KDM4C: variants seen among roughly 807,000 people sequenced by gnomAD.
KDM4C encodes the protein lysine demethylase 4C.
Under a neutral mutation model 129.3 loss-of-function variants are expected in KDM4C, and 81 were observed. The ratio of observed to expected loss-of-function variants is 0.63; its 90% CI spans 0.52 to 0.75. KDM4C has a LOEUF of 0.75. KDM4C is among the 30% of genes least tolerant of loss of function. KDM4C has a pLI of 0.00. For missense variants in KDM4C, 1,457 were observed against 1,304.0 expected (o/e 1.12, Z -1.81); for synonymous variants, 573 against 456.1 (o/e 1.26, Z -3.26).
intron 17 of KDM4C, among the ~76,000 whole-genome samples, chr9:7,049,501 A>G (rs948979380): frequency 1.3e-5 from 2 of 152,062 alleles, no homozygotes; most frequent in Non-Finnish European, 2.9e-5. Flanking sequence ...TCAGTACTGG[A>G]GCTGAGCCAT....
chr9:6,738,289 C>T (rs1407253842), intron 1 of KDM4C, among the ~76,000 whole-genome samples: 2 of 152,042 alleles, frequency 1.3e-5, no homozygotes, highest in Non-Finnish European at 1.5e-5. Flanking sequence ...CTGGCCTGAC[C>T]AACATGGAGA....
At chr9:6,938,321 G>T (rs888353482) in intron 8 of KDM4C, among the ~76,000 whole-genome samples, 1 of 152,092 alleles carries the variant, frequency 6.6e-6, no homozygotes, top group Non-Finnish European at 1.5e-5. Flanking sequence ...CCATTTCCAG[G>T]GGATGGCTCA....
At chr9:7,010,126 C>G (rs1822422674) in intron 12 of KDM4C, among the ~76,000 whole-genome samples, 1 of 152,072 alleles carries the variant, frequency 6.6e-6, no homozygotes, top group Non-Finnish European at 1.5e-5. Context: ...TGTAGTATAT[C>G]CTATGCTATA....
intron 12 of KDM4C, 24 bp from the exon 13 acceptor site, chr9:7,011,674 T>G: frequency 6.2e-7 from 1 of 1,605,768 alleles, no homozygotes; most frequent in South Asian, 1.1e-5. Flanking sequence ...ATGCTCATGG[T>G]ATTTTCCTGC....
At chr9:6,795,362 C>T (rs112932883) in intron 2 of KDM4C, among the ~76,000 whole-genome samples, 10,979 of 152,270 alleles carry the variant, frequency 0.072, 573 homozygotes, top group Non-Finnish European at 0.11. Context: ...ACGGGAGTCT[C>T]GCTCTGTTGC....
chr9:7,109,940 G>A (rs567152393), intron 18 of KDM4C, among the ~76,000 whole-genome samples: 1 of 152,208 alleles, frequency 6.6e-6, no homozygotes, highest in Non-Finnish European at 1.5e-5. Flanking sequence ...CTTTATAAAG[G>A]GCTTTCCCCT....
intron 4 of KDM4C, among the ~76,000 whole-genome samples, chr9:6,843,601 C>G (rs570048695): frequency 6.6e-6 from 1 of 152,262 alleles, no homozygotes; most frequent in African/African-American, 2.4e-5. Flanking sequence ...CTGGGCGTAG[C>G]TCTGCCATGA....
At chr9:6,893,034 T>G (rs1846325239) in intron 7 of KDM4C, 61 bp from the exon 8 acceptor site, 10 of 1,243,098 alleles carry the variant, frequency 8.0e-6, no homozygotes, top group Non-Finnish European at 1.1e-5. Flanking sequence ...TATATTTTAA[T>G]TGTATTCATA....
rs572391284 is a variant in KDM4C, at chr9:7,094,283, G to T, written c.2425-9402G>T. ...TAGGATTCAGGCTTTAACAGTGCCT[G>T]TTTTACTACCTTTTGTCCATTCCTT... On this transcript the variant is annotated intron_variant, in intron 17 of 21. Coordinates refer to ENST00000381309, the MANE Select transcript of KDM4C (RefSeq NM_015061.6). Among the ~76,000 whole-genome samples the T allele has an allele frequency of 1.9e-4, 29 of 152,284 alleles. 1 individual carries two copies. The South Asian group carries it at 5.8e-3, about 30-fold the overall frequency.
At chr9:7,130,232 C>A (rs1387456598) in intron 19 of KDM4C, among the ~76,000 whole-genome samples, 3 of 152,200 alleles carry the variant, frequency 2.0e-5, no homozygotes, top group Non-Finnish European at 4.4e-5. Flanking sequence ...GCACTAATTT[C>A]AAAACCTGAG....
At chr9:7,061,000 C>A (rs1268181174) in intron 17 of KDM4C, among the ~76,000 whole-genome samples, 1 of 152,168 alleles carries the variant, frequency 6.6e-6, no homozygotes, top group Admixed American at 6.5e-5. Flanking sequence ...ATCTGTCCGC[C>A]CATCCATCTC....
In KDM4C at chr9:6,830,455, CAG is replaced by C. The variant is rs376118429; in HGVS notation, c.435+15713_435+15714del. 1.2e-4 allele frequency among the ~76,000 whole-genome samples: 19 copies of C among 152,216 alleles called. 1 individual carries two copies. The East Asian group carries it at 3.3e-3, about 26-fold the overall frequency. On this transcript the variant is annotated intron_variant, in intron 4 of 21. Coordinates refer to ENST00000381309, the MANE Select transcript of KDM4C (RefSeq NM_015061.6). Reference sequence around the variant, plus strand: ...GTGGGCTTTTGGGGGGTCACTGGTGCAGAGTTAGAGTCATGAATGCCAGGAGT... The same window carrying C: ...GTGGGCTTTTGGGGGGTCACTGGTGCAGTTAGAGTCATGAATGCCAGGAGT...
intron 12 of KDM4C, among the ~76,000 whole-genome samples, chr9:7,002,620 T>A (rs899737244): frequency 6.6e-6 from 1 of 152,234 alleles, no homozygotes; most frequent in African/African-American, 2.4e-5. Context: ...CAGCTTTCTT[T>A]AGGAGTTTTC....
intron 9 of KDM4C, among the ~76,000 whole-genome samples, chr9:6,983,573 G>GACACACACACACACACAC (rs56086219): frequency 0.028 from 4,036 of 142,608 alleles, 95 homozygotes; most frequent in African/African-American, 0.045. Context: ...GTGTCTTTAT[G>GACACACACACACACACAC]ACACACACAC....
rs768117408 is a variant in KDM4C, at chr9:7,046,928, C to T, written c.2315+11C>T. The T allele has an allele frequency of 1.3e-6, 2 of 1,527,464 alleles. No individual in the cohort carries two copies. The highest frequency in any genetic ancestry group is 2.3e-5 in the East Asian group (1 of 44,304). The allele number at this position is 1,527,464 out of a possible 1,614,324, so 94.6% of individuals were successfully genotyped here. A position where few individuals can be genotyped will look rare whatever the true frequency, so the allele number is the denominator to read the frequency against. ...AACGAAGAACAATAAGTAAGTAATA[C>T]ATTAATTGTGTTGAATTTCATTATT... On this transcript the variant is annotated intron_variant, in intron 16 of 21. Transcript: ENST00000381309.
chr9:6,896,450 T>C (rs1816455702), intron 8 of KDM4C, among the ~76,000 whole-genome samples: 1 of 151,472 alleles, frequency 6.6e-6, no homozygotes, highest in Non-Finnish European at 1.5e-5. Context: ...TATGTGCATA[T>C]ATGTAATCAC....
At chr9:6,740,194 T>TTTTTG (rs564850337) in intron 1 of KDM4C, among the ~76,000 whole-genome samples, 7 of 148,952 alleles carry the variant, frequency 4.7e-5, no homozygotes, top group South Asian at 2.1e-4. Context: ...CCAGCCTAAT[T>TTTTTG]TTTTGTTTTG....
intron 19 of KDM4C, among the ~76,000 whole-genome samples, chr9:7,129,693 T>G (rs1840409517): frequency 6.6e-6 from 1 of 152,180 alleles, no homozygotes; most frequent in South Asian, 2.1e-4. Context: ...GACCCATGTC[T>G]AGAACCCATG....
chr9:6,751,334 T>A (rs1334503998), intron 1 of KDM4C, among the ~76,000 whole-genome samples: 1 of 152,072 alleles, frequency 6.6e-6, no homozygotes, highest in Non-Finnish European at 1.5e-5. Context: ...TAGTACCATC[T>A]ACTAGGGAGG....
Sources: gnomAD v4.1 joint callset for allele counts (sites outside exome capture counted in the v4.1 genomes callset) on GRCh38, gnomAD v4.1.1 for gene constraint, MANE v1.5 for transcripts, NCBI Gene and HGNC (gene_info 2026-07-23, HGNC 2026-07-21) for gene names.